ETV6: variants seen among roughly 807,000 people sequenced by gnomAD.
ETV6 encodes transcription factor ETV6.
In ETV6, 16 loss-of-function variants were observed where a neutral mutation model predicts 51.1. The observed-to-expected ratio is 0.31, with a 90% CI of 0.21 to 0.48. The LOEUF (loss-of-function observed/expected upper bound fraction) is 0.48. ETV6 is among the 20% of genes least tolerant of loss of function. ETV6 has a pLI of 0.99. For missense variants in ETV6, 458 were observed against 594.8 expected, an observed-to-expected ratio of 0.77 and a Z score of 2.39; for synonymous variants, 240 against 224.1, an observed-to-expected ratio of 1.07 and a Z score of -0.64.
chr12:11,885,283 C>A (rs1947167313), intron 6 of ETV6, among the ~76,000 whole-genome samples: 1 of 152,168 alleles, frequency 6.6e-6, no homozygotes, highest in Non-Finnish European at 1.5e-5. Flanking sequence ...CCAGGTGTGC[C>A]CAGACCTGCA....
At chr12:11,674,408 T>C (rs2111050) in intron 1 of ETV6, among the ~76,000 whole-genome samples, 149,895 of 152,126 alleles carry the variant, frequency 0.99, 73,884 homozygotes, top group East Asian at 1. Context: ...CATTAAGGAG[T>C]ACCGAGACTC....
intron 1 of ETV6, among the ~76,000 whole-genome samples, chr12:11,668,740 C>G (rs1864246509): frequency 6.6e-6 from 1 of 152,198 alleles, no homozygotes; most frequent in Non-Finnish European, 1.5e-5. Context: ...AAGAAATTTT[C>G]CCCCTGTGGC....
chr12:11,814,299 G>A (rs745313711), intron 2 of ETV6, among the ~76,000 whole-genome samples: 10 of 152,106 alleles, frequency 6.6e-5, no homozygotes, highest in Non-Finnish European at 1.5e-4. Flanking sequence ...TTCGAGGGCA[G>A]TACCAACTTA....
At chr12:11,682,096 T>G (rs1470645653) in intron 1 of ETV6, among the ~76,000 whole-genome samples, 2 of 152,220 alleles carry the variant, frequency 1.3e-5, no homozygotes, top group Non-Finnish European at 2.9e-5. Flanking sequence ...GTAATGGGAT[T>G]GCTGGGTCAA....
intron 2 of ETV6, among the ~76,000 whole-genome samples, chr12:11,820,947 AAG>A (rs1946071114): frequency 6.6e-6 from 1 of 152,218 alleles, no homozygotes. Context: ...TGATCCAGGC[AAG>A]AGAGGATGGT....
chr12:11,704,853 T>C (rs1306427734), intron 1 of ETV6, among the ~76,000 whole-genome samples: 1 of 152,100 alleles, frequency 6.6e-6, no homozygotes, highest in African/African-American at 2.4e-5. Context: ...AGAATATAGT[T>C]TTATTAAGCC....
At chr12:11,808,017 A>G (rs746349070) in intron 2 of ETV6, among the ~76,000 whole-genome samples, 1 of 152,206 alleles carries the variant, frequency 6.6e-6, no homozygotes, top group Admixed American at 6.5e-5. Context: ...ACATCCACCC[A>G]TAAATCAATG....
chr12:11,731,276 A>T (rs2120977609), intron 1 of ETV6, among the ~76,000 whole-genome samples: 1 of 152,336 alleles, frequency 6.6e-6, no homozygotes, highest in South Asian at 2.1e-4. Flanking sequence ...TGTTTAATTA[A>T]AGCAAAAATT....
In ETV6 at chr12:11,764,548, A is replaced by G. The variant is rs148165693; in HGVS notation, c.163+11969A>G. Among the ~76,000 whole-genome samples the G allele has an allele frequency of 9.1e-4, 138 of 152,320 alleles. 4 individuals are homozygous for G. The East Asian group carries it at 0.019, about 20-fold the overall frequency. On this transcript the variant is annotated intron_variant, in intron 2 of 7. Transcript: ENST00000396373. ...TAAATCTGAATCCTTAAGCCTTTCA[A>G]CCATTCTCACTAAATGTCTTTACTT...
chr12:11,882,431 G>T (rs897287959), intron 5 of ETV6, among the ~76,000 whole-genome samples: 1 of 152,180 alleles, frequency 6.6e-6, no homozygotes, highest in African/African-American at 2.4e-5. Flanking sequence ...GCACAGCCAA[G>T]AATCCTGTGT....
chr12:11,789,177 C>T (rs747364836), intron 2 of ETV6, among the ~76,000 whole-genome samples: 5 of 151,858 alleles, frequency 3.3e-5, no homozygotes, highest in Non-Finnish European at 7.4e-5. Context: ...GGATTACAGG[C>T]GCCAGCCACC....
At chr12:11,743,399 C>G (rs750771275) in intron 1 of ETV6, among the ~76,000 whole-genome samples, 2 of 152,098 alleles carry the variant, frequency 1.3e-5, no homozygotes, top group Admixed American at 6.5e-5. Flanking sequence ...ATATGTAGAG[C>G]GAGGGAATTT....
At chr12:11,724,250 T>C (rs59302227) in intron 1 of ETV6, among the ~76,000 whole-genome samples, 8,756 of 152,230 alleles carry the variant, frequency 0.058, 828 homozygotes, top group African/African-American at 0.2. Flanking sequence ...TGGCCAGGGC[T>C]TACAGCAAGG....
At chr12:11,806,856 G>A (rs1945836860) in intron 2 of ETV6, among the ~76,000 whole-genome samples, 1 of 152,226 alleles carries the variant, frequency 6.6e-6, no homozygotes, top group South Asian at 2.1e-4. Flanking sequence ...ATCCTGCGGA[G>A]CTCAACTCTG....
At chr12:11,768,216 A>C (rs2136348170) in intron 2 of ETV6, among the ~76,000 whole-genome samples, 1 of 152,240 alleles carries the variant, frequency 6.6e-6, no homozygotes, top group Admixed American at 6.5e-5. Flanking sequence ...AAGAACTATT[A>C]GCAATTTTGC....
At chr12:11,767,350 T>C (rs533201739) in intron 2 of ETV6, among the ~76,000 whole-genome samples, 18 of 152,340 alleles carry the variant, frequency 1.2e-4, no homozygotes, top group Non-Finnish European at 2.4e-4. Flanking sequence ...TAAACCACTA[T>C]TGGGATCTCT....
intron 4 of ETV6, among the ~76,000 whole-genome samples, chr12:11,866,724 A>G (rs531520856): frequency 3.9e-5 from 6 of 152,244 alleles, no homozygotes; most frequent in Non-Finnish European, 5.9e-5. Flanking sequence ...TCTCCACTGC[A>G]GTAGCCAGTA....
chr12:11,843,005 GATGTGAGC>G (rs1404014819), intron 3 of ETV6, among the ~76,000 whole-genome samples: 2 of 152,232 alleles, frequency 1.3e-5, no homozygotes, highest in Non-Finnish European at 2.9e-5. Context: ...GGGAATAATA[GATGTGAGC>G]ATCATACATC....
chr12:11,828,995 C>A (rs1361943900), intron 2 of ETV6, among the ~76,000 whole-genome samples: 1 of 152,116 alleles, frequency 6.6e-6, no homozygotes, highest in African/African-American at 2.4e-5. Context: ...GAGCGGGCAC[C>A]TCCTTCAGCC....
Sources: allele counts gnomAD v4.1 joint callset (sites outside exome capture counted in the v4.1 genomes callset), GRCh38; gene constraint gnomAD v4.1.1; transcripts MANE v1.5; gene names NCBI Gene and HGNC (gene_info 2026-07-23, HGNC 2026-07-21).